Variants in SORCS1 observed in about 807,000 individuals in gnomAD.
SORCS1 encodes the protein VPS10 domain-containing receptor SorCS1.
A neutral mutation model predicts 146.1 loss-of-function variants in SORCS1; 60 were observed. The observed-to-expected ratio is 0.41, with a 90% confidence interval of 0.33 to 0.51. The LOEUF (loss-of-function observed/expected upper bound fraction) is 0.51. Ranked by LOEUF, SORCS1 falls within the 20% of genes least tolerant of loss-of-function variation. The pLI, the probability that SORCS1 is intolerant of heterozygous loss-of-function variation, is 0.21. For synonymous variants in SORCS1, 637 were observed against 584.0 expected, an observed-to-expected ratio of 1.09 and a Z score of -1.31; for missense variants, 1,352 against 1,487.6, an observed-to-expected ratio of 0.91 and a Z score of 1.50.
chr10:106,815,691 G>A (rs1947706417), intron 3 of SORCS1, among the ~76,000 whole-genome samples: 1 of 152,082 alleles, frequency 6.6e-6, no homozygotes, highest in African/African-American at 2.4e-5. Flanking sequence ...ATGGCTCTCG[G>A]GAATTTTTAA....
intron 17 of SORCS1, among the ~76,000 whole-genome samples, chr10:106,657,861 A>C (rs1850426490): frequency 6.6e-6 from 1 of 151,998 alleles, no homozygotes; most frequent in Non-Finnish European, 1.5e-5. Context: ...TAATTATGGA[A>C]TCTTTTCCTA....
intron 2 of SORCS1, among the ~76,000 whole-genome samples, chr10:106,855,292 T>C (rs566851224): frequency 1.3e-5 from 2 of 152,152 alleles, no homozygotes; most frequent in African/African-American, 4.8e-5. Context: ...CTTAAAAAAG[T>C]TTTTTTTAAA....
At chr10:106,977,486 T>C (rs1332425088) in intron 1 of SORCS1, among the ~76,000 whole-genome samples, 1 of 152,186 alleles carries the variant, frequency 6.6e-6, no homozygotes, top group East Asian at 1.9e-4. Flanking sequence ...GGTTGTCTGT[T>C]CATCAGTGAA....
intron 19 of SORCS1, among the ~76,000 whole-genome samples, chr10:106,623,220 TC>T (rs1396967029): frequency 6.6e-6 from 1 of 151,636 alleles, no homozygotes; most frequent in Non-Finnish European, 1.5e-5. Context: ...CTAAAGAGGT[TC>T]ATTTTGTCTC....
At chr10:106,737,588 G>C (rs923783171) in intron 5 of SORCS1, among the ~76,000 whole-genome samples, 26 of 152,050 alleles carry the variant, frequency 1.7e-4, no homozygotes, top group African/African-American at 6.3e-4. Flanking sequence ...AGCCAGGCGT[G>C]GTGGCACACA....
At chr10:106,637,548 T>G (rs1295996802) in intron 18 of SORCS1, among the ~76,000 whole-genome samples, 1 of 152,156 alleles carries the variant, frequency 6.6e-6, no homozygotes, top group Non-Finnish European at 1.5e-5. Context: ...AAACCTACAG[T>G]GAACTTAGAT....
At chr10:107,085,797 A>C (rs1963711983) in intron 1 of SORCS1, among the ~76,000 whole-genome samples, 1 of 152,118 alleles carries the variant, frequency 6.6e-6, no homozygotes, top group Non-Finnish European at 1.5e-5. Context: ...CCATACAATG[A>C]TTTTCTCAAG....
At chr10:107,087,342 A>T (rs1157262221) in intron 1 of SORCS1, among the ~76,000 whole-genome samples, 1 of 152,118 alleles carries the variant, frequency 6.6e-6, no homozygotes, top group African/African-American at 2.4e-5. Flanking sequence ...CAGTCTTATT[A>T]AGTAGCTTTA....
intron 19 of SORCS1, among the ~76,000 whole-genome samples, chr10:106,627,947 A>C (rs1848208083): frequency 1.3e-5 from 2 of 152,210 alleles, no homozygotes; most frequent in Admixed American, 1.3e-4. Flanking sequence ...TCTGAACCTC[A>C]ACACTTTTTG....
At chr10:106,888,048 G>T (rs776447497) in intron 2 of SORCS1, among the ~76,000 whole-genome samples, 1 of 152,108 alleles carries the variant, frequency 6.6e-6, no homozygotes, top group African/African-American at 2.4e-5. Flanking sequence ...TATAAATGGC[G>T]ACAGTACTGG....
intron 18 of SORCS1, among the ~76,000 whole-genome samples, chr10:106,636,475 T>C (rs1272732127): frequency 6.6e-6 from 1 of 152,116 alleles, no homozygotes; most frequent in Non-Finnish European, 1.5e-5. Context: ...AGAAAAGAGA[T>C]TTAATTGACT....
At chr10:106,707,598 C>T (rs759527733) in intron 7 of SORCS1, among the ~76,000 whole-genome samples, 2 of 152,254 alleles carry the variant, frequency 1.3e-5, no homozygotes, top group South Asian at 2.1e-4. Context: ...CTCCTGGGCT[C>T]AAGTGATCCT....
chr10:106,690,501 T>C (rs1853216076), intron 9 of SORCS1, among the ~76,000 whole-genome samples: 1 of 152,216 alleles, frequency 6.6e-6, no homozygotes, highest in Admixed American at 6.5e-5. Flanking sequence ...TGGGAGCTGG[T>C]TCATTTGATT....
chr10:106,967,583 G>C (rs952321114), intron 1 of SORCS1, among the ~76,000 whole-genome samples: 3 of 152,152 alleles, frequency 2.0e-5, no homozygotes, highest in Admixed American at 2.0e-4. Flanking sequence ...AAATTAACTG[G>C]GGCCAGGGAA....
At chr10:106,697,393 T>A (rs1026037649) in intron 9 of SORCS1, among the ~76,000 whole-genome samples, 1 of 151,792 alleles carries the variant, frequency 6.6e-6, no homozygotes, top group African/African-American at 2.4e-5. Flanking sequence ...GAGGCGGAGA[T>A]TGCAGTGAAC....
intron 22 of SORCS1, among the ~76,000 whole-genome samples, chr10:106,608,194 C>G (rs1846738420): frequency 6.6e-6 from 1 of 152,194 alleles, no homozygotes; most frequent in Admixed American, 6.5e-5. Context: ...AGGACATATT[C>G]AAGGCCTTCT....
At chr10:106,582,243 T>G (rs1844965685) in intron 24 of SORCS1, among the ~76,000 whole-genome samples, 1 of 152,296 alleles carries the variant, frequency 6.6e-6, no homozygotes, top group East Asian at 1.9e-4. Flanking sequence ...TACACTTAAA[T>G]CATCATTCTT....
chr10:106,574,007 G>A lies in SORCS1; in HGVS notation c.*3413C>T, dbSNP rs1010006592. On this transcript the variant is annotated 3_prime_UTR_variant, in exon 26 of 26. Transcript: ENST00000263054. ...ATTTAACAAAAAATACATCAAAAAA[G>A]TCATTTTAAAATTAGAAGTAGTTCC... is the stretch of plus-strand genomic sequence containing the variant. 1.4e-4 allele frequency: 21 copies of A among 151,516 alleles called. No homozygotes were observed. The highest frequency in any genetic ancestry group is 2.9e-4 in the Non-Finnish European group (20 of 67,846). The allele number at this position is 151,516 out of a possible 1,614,324, so 9.4% of individuals were successfully genotyped here. A position where few individuals can be genotyped will look rare whatever the true frequency, so the allele number is the denominator to read the frequency against.
intron 1 of SORCS1, among the ~76,000 whole-genome samples, chr10:107,123,263 T>A (rs1966510237): frequency 6.6e-6 from 1 of 152,164 alleles, no homozygotes. Context: ...TTTGCCCACA[T>A]CTGATGTTGA....
Sources: gnomAD v4.1 joint callset for allele counts (sites outside exome capture counted in the v4.1 genomes callset) on GRCh38, gnomAD v4.1.1 for gene constraint, MANE v1.5 for transcripts, NCBI Gene and HGNC (gene_info 2026-07-23, HGNC 2026-07-21) for gene names.